The following ROBO2 variants were observed in gnomAD, a reference collection of about 807,000 sequenced individuals.
ROBO2 encodes roundabout guidance receptor 2.
In ROBO2, 53 loss-of-function variants were observed where a neutral mutation model predicts 160.8. That is an observed-to-expected ratio of 0.33 (90% CI 0.26 to 0.41). ROBO2 has a LOEUF of 0.41. Ranked by LOEUF, ROBO2 falls within the 10% of genes least tolerant of loss-of-function variation. The pLI is 1.00. For missense variants in ROBO2, 1,577 were observed against 1,722.4 expected (o/e 0.92, Z 1.49); for synonymous variants, 664 against 611.7 (o/e 1.09, Z -1.26).
intron 2 of ROBO2, among the ~76,000 whole-genome samples, chr3:76,777,242 A>G (rs561741902): frequency 6.6e-6 from 1 of 151,262 alleles, no homozygotes; most frequent in South Asian, 2.1e-4. Context: ...AACAAAAGAC[A>G]TGGGTTGATT....
exon 21 of ROBO2, chr3:77,607,860 T>G (rs374560337): frequency 6.2e-7 from 1 of 1,613,684 alleles, no homozygotes; most frequent in Non-Finnish European, 8.5e-7. Context: ...AAACAATGGA[T>G]CCACTTGGGC....
chr3:77,550,721 C>T, intron 7 of ROBO2, 97 bp from the exon 9 acceptor site: 1 of 1,266,540 alleles, frequency 7.9e-7, no homozygotes, highest in Non-Finnish European at 1.1e-6. Flanking sequence ...TGTGTATTTT[C>T]TTTTTCCCAC....
rs557323848 is a variant in ROBO2, at chr3:76,875,602, G to A, written c.110-222412G>A. Among the ~76,000 whole-genome samples the A allele has an allele frequency of 2.2e-4, 33 of 152,180 alleles. No homozygotes were observed. In the South Asian group the frequency reaches 4.8e-3, roughly 22 times the overall value. ...GGTCACCTGCTTCCTTTGGCTGATAGCCACTTTACTCTGAACTCTATCATA... is the reference window on the plus strand; with the variant it reads ...GGTCACCTGCTTCCTTTGGCTGATAACCACTTTACTCTGAACTCTATCATA... On this transcript the variant is annotated intron_variant, in intron 2 of 26. Transcript: ENST00000487694.
chr3:76,693,640 T>G (rs2092863122), intron 2 of ROBO2, among the ~76,000 whole-genome samples: 1 of 152,066 alleles, frequency 6.6e-6, no homozygotes, highest in Non-Finnish European at 1.5e-5. Context: ...TCTGAAGGCC[T>G]GAGAACAAGA....
intron 2 of ROBO2, among the ~76,000 whole-genome samples, chr3:76,608,543 T>G (rs2087834487): frequency 6.6e-6 from 1 of 152,158 alleles, no homozygotes; most frequent in Non-Finnish European, 1.5e-5. Flanking sequence ...CTTTGTTGAT[T>G]GTTTCCTTTG....
At chr3:76,110,347 A>T (rs2070170098) in intron 2 of ROBO2, among the ~76,000 whole-genome samples, 1 of 152,080 alleles carries the variant, frequency 6.6e-6, no homozygotes, top group Non-Finnish European at 1.5e-5. Flanking sequence ...AAGTAACATG[A>T]CAGCTATTAG....
At chr3:77,431,035 A>T (rs902126808) in intron 2 of ROBO2, among the ~76,000 whole-genome samples, 1 of 152,180 alleles carries the variant, frequency 6.6e-6, no homozygotes, top group Non-Finnish European at 1.5e-5. Context: ...ACTATTTCTC[A>T]TCCTGATATT....
chr3:77,220,253 G>T (rs137926902), intron 2 of ROBO2, among the ~76,000 whole-genome samples: 1 of 151,812 alleles, frequency 6.6e-6, no homozygotes, highest in Non-Finnish European at 1.5e-5. Context: ...CTCATGATCC[G>T]CCCACCTTGG....
chr3:77,037,961 T>C (rs1467268690), upstream of ROBO2, among the ~76,000 whole-genome samples: 2 of 152,174 alleles, frequency 1.3e-5, no homozygotes, highest in African/African-American at 4.8e-5. Flanking sequence ...GCTGGTGGTG[T>C]GTATTATTTG....
At chr3:76,303,857 C>T (rs2071191603) in intron 2 of ROBO2, among the ~76,000 whole-genome samples, 1 of 152,150 alleles carries the variant, frequency 6.6e-6, no homozygotes, top group African/African-American at 2.4e-5. Context: ...CCTATAACTG[C>T]AAGCTAATTG....
At chr3:76,772,676 A>G (rs1055730611) in intron 2 of ROBO2, among the ~76,000 whole-genome samples, 1 of 150,982 alleles carries the variant, frequency 6.6e-6, no homozygotes, top group Admixed American at 6.6e-5. Context: ...ACTGCACTAC[A>G]ATTTATTCCT....
At chr3:76,163,562 C>CAT (rs1240089294) in intron 2 of ROBO2, among the ~76,000 whole-genome samples, 1 of 149,346 alleles carries the variant, frequency 6.7e-6, no homozygotes, top group Non-Finnish European at 1.5e-5. Flanking sequence ...TATGTATATA[C>CAT]ATATATATAG....
chr3:76,262,998 T>A (rs1198504868), intron 2 of ROBO2, among the ~76,000 whole-genome samples: 1 of 152,108 alleles, frequency 6.6e-6, no homozygotes, highest in African/African-American at 2.4e-5. Flanking sequence ...ACACAAGCTA[T>A]CTCTGCTTGC....
exon 14 of ROBO2, chr3:77,574,647 C>T: frequency 6.2e-7 from 1 of 1,613,174 alleles, no homozygotes; most frequent in South Asian, 1.1e-5. Flanking sequence ...AAGGGGGTGA[C>T]TTATGAAATT....
At chr3:77,493,958 A>T (rs1300571174) in intron 5 of ROBO2, among the ~76,000 whole-genome samples, 2 of 151,952 alleles carry the variant, frequency 1.3e-5, no homozygotes, top group Non-Finnish European at 1.5e-5. Context: ...CTTCTCTTCC[A>T]TCTCCTTCTT....
intron 2 of ROBO2, among the ~76,000 whole-genome samples, chr3:76,183,213 C>G (rs980847345): frequency 2.6e-5 from 4 of 151,872 alleles, no homozygotes; most frequent in East Asian, 2.0e-4. Flanking sequence ...GACATTCCAA[C>G]TTCTTACATG....
chr3:76,069,527 T>G (rs2068374651), intron 2 of ROBO2, among the ~76,000 whole-genome samples: 1 of 112,434 alleles, frequency 8.9e-6, no homozygotes, highest in Admixed American at 1.0e-4. Context: ...TATTGCTAGT[T>G]TTTTTTTTTT....
intron 10 of ROBO2, among the ~76,000 whole-genome samples, 169 bp downstream of exon 11, chr3:77,562,901 T>C (rs1381374953): frequency 6.6e-6 from 1 of 152,162 alleles, no homozygotes; most frequent in Non-Finnish European, 1.5e-5. Flanking sequence ...CACCATTACA[T>C]TTGTGGAATT....
chr3:76,566,098 T>C (rs1294404486), intron 2 of ROBO2, among the ~76,000 whole-genome samples: 1 of 152,150 alleles, frequency 6.6e-6, no homozygotes, highest in African/African-American at 2.4e-5. Flanking sequence ...TTATCTTATA[T>C]GTGTAGACTG....
Sources: gnomAD v4.1 joint callset for allele counts (sites outside exome capture counted in the v4.1 genomes callset) on GRCh38, gnomAD v4.1.1 for gene constraint, MANE v1.5 for transcripts, NCBI Gene and HGNC (gene_info 2026-07-23, HGNC 2026-07-21) for gene names.